Variants in PTPRD observed in about 807,000 individuals in gnomAD.
PTPRD encodes the protein receptor-type tyrosine-protein phosphatase delta.
In PTPRD, 34 loss-of-function variants were observed where a neutral mutation model predicts 214.5. That is an observed-to-expected ratio of 0.16 (90% CI 0.12 to 0.21). PTPRD has a LOEUF of 0.21. Ranked by LOEUF, PTPRD falls within the 10% of genes least tolerant of loss-of-function variation. The pLI is 1.00. For synonymous variants in PTPRD, 1,128 were observed against 845.7 expected, an observed-to-expected ratio of 1.33 and a Z score of -5.79; for missense variants, 2,545 against 2,398.7, an observed-to-expected ratio of 1.06 and a Z score of -1.27.
chr9:8,336,792 G>A lies in PTPRD; in HGVS notation c.5379+2130C>T, dbSNP rs560239586. 2.0e-5 allele frequency among the ~76,000 whole-genome samples: 3 copies of A among 152,132 alleles called. No individual in the cohort carries two copies. In the South Asian group the frequency reaches 6.2e-4, roughly 32 times the overall value. On this transcript the variant is annotated intron_variant, in intron 43 of 45. Coordinates refer to ENST00000381196, the MANE Select transcript of PTPRD (RefSeq NM_002839.4). ...CAACCTCATCAAAAAGTGGGCAAAG[G>A]ATATGAACAGACACTTCTCAGAAGA...
chr9:10,588,234 T>C (rs527964109), intron 2 of PTPRD, among the ~76,000 whole-genome samples: 19 of 152,156 alleles, frequency 1.2e-4, no homozygotes, highest in African/African-American at 4.6e-4. Context: ...AGTTTTATAG[T>C]TGCAGTTTTG....
chr9:9,492,650 T>C (rs72706503), intron 8 of PTPRD, among the ~76,000 whole-genome samples: 11,002 of 151,928 alleles, frequency 0.072, 572 homozygotes, highest in Non-Finnish European at 0.11. Flanking sequence ...AAGGAAAGTA[T>C]TCCAACATAA....
At chr9:9,200,226 A>G (rs930078106) in intron 9 of PTPRD, among the ~76,000 whole-genome samples, 2 of 152,234 alleles carry the variant, frequency 1.3e-5, no homozygotes, top group Non-Finnish European at 2.9e-5. Context: ...AAATCAGAAA[A>G]TTTGAGCAAA....
chr9:8,339,501 T>A (rs950824952), intron 42 of PTPRD, among the ~76,000 whole-genome samples: 2 of 152,158 alleles, frequency 1.3e-5, no homozygotes, highest in Non-Finnish European at 2.9e-5. Context: ...AATTGATTTG[T>A]TCCAATCTTA....
chr9:10,184,411 C>T (rs751331763), intron 3 of PTPRD, among the ~76,000 whole-genome samples: 132 of 151,934 alleles, frequency 8.7e-4, no homozygotes, highest in Middle Eastern at 6.8e-3. Context: ...GAAAACAGAG[C>T]GAGGCTCCAT....
chr9:8,454,240 A>G (rs1227866644), intron 33 of PTPRD, among the ~76,000 whole-genome samples: 4 of 152,200 alleles, frequency 2.6e-5, no homozygotes, highest in African/African-American at 7.2e-5. Flanking sequence ...AAACAAAACA[A>G]AACAGTTTAT....
At chr9:9,727,408 C>T (rs997997638) in intron 7 of PTPRD, among the ~76,000 whole-genome samples, 1 of 152,080 alleles carries the variant, frequency 6.6e-6, no homozygotes, top group Non-Finnish European at 1.5e-5. Context: ...CAAGATCGCA[C>T]CACTGCACTC....
chr9:9,930,112 C>T (rs1159807741), intron 5 of PTPRD, among the ~76,000 whole-genome samples: 26 of 152,148 alleles, frequency 1.7e-4, no homozygotes, highest in Admixed American at 1.7e-3. Context: ...CTGGGAGCTC[C>T]AGGAGTATCT....
chr9:8,826,084 G>A (rs905904857), intron 11 of PTPRD, among the ~76,000 whole-genome samples: 1 of 152,060 alleles, frequency 6.6e-6, no homozygotes, highest in African/African-American at 2.4e-5. Flanking sequence ...CTGGTTCACA[G>A]GCCTCTGACA....
intron 9 of PTPRD, among the ~76,000 whole-genome samples, chr9:9,379,428 C>T (rs10816102): frequency 0.23 from 35,462 of 151,456 alleles, 4,198 homozygotes; most frequent in Middle Eastern, 0.37. Context: ...CATGCAGTCT[C>T]GATTACTGTA....
intron 39 of PTPRD, among the ~76,000 whole-genome samples, chr9:8,357,368 T>C (rs1416066537): frequency 2.1e-4 from 32 of 152,186 alleles, no homozygotes. Flanking sequence ...GCTTGGCAAT[T>C]TTCATTCTAT....
intron 7 of PTPRD, among the ~76,000 whole-genome samples, chr9:9,683,202 A>G (rs997379246): frequency 1.3e-5 from 2 of 151,792 alleles, no homozygotes; most frequent in African/African-American, 2.4e-5. Context: ...GTTATATTCA[A>G]TGAGTTAAGT....
chr9:8,795,947 G>C (rs2096405969), intron 11 of PTPRD, among the ~76,000 whole-genome samples: 1 of 152,158 alleles, frequency 6.6e-6, no homozygotes, highest in Admixed American at 6.6e-5. Flanking sequence ...ACCTTGTATA[G>C]TTACACTATG....
At chr9:8,979,359 G>A (rs1249636014) in intron 11 of PTPRD, among the ~76,000 whole-genome samples, 2 of 151,930 alleles carry the variant, frequency 1.3e-5, no homozygotes, top group African/African-American at 4.8e-5. Context: ...TCACACCAAA[G>A]GCTCAGGCTA....
intron 2 of PTPRD, among the ~76,000 whole-genome samples, chr9:10,371,826 A>G (rs922168836): frequency 6.6e-6 from 1 of 152,148 alleles, no homozygotes; most frequent in African/African-American, 2.4e-5. Context: ...CATATGGTGT[A>G]TGTCTCAGAA....
At chr9:10,483,383 A>C (rs1017320647) in intron 2 of PTPRD, among the ~76,000 whole-genome samples, 2 of 152,158 alleles carry the variant, frequency 1.3e-5, no homozygotes, top group Non-Finnish European at 2.9e-5. Context: ...CAAATAATTT[A>C]TGATGAAGAC....
intron 11 of PTPRD, among the ~76,000 whole-genome samples, chr9:8,764,748 T>C (rs1194013791): frequency 6.6e-6 from 1 of 151,570 alleles, no homozygotes; most frequent in East Asian, 1.9e-4. Flanking sequence ...TGAGCCGAGA[T>C]TGCCCCATTG....
intron 10 of PTPRD, among the ~76,000 whole-genome samples, chr9:9,079,190 T>C (rs914228801): frequency 6.6e-6 from 1 of 152,074 alleles, no homozygotes; most frequent in African/African-American, 2.4e-5. Context: ...TTAACAAATC[T>C]CTCCTTATTC....
intron 11 of PTPRD, among the ~76,000 whole-genome samples, chr9:8,819,810 A>G (rs2097010017): frequency 6.6e-6 from 1 of 152,220 alleles, no homozygotes; most frequent in African/African-American, 2.4e-5. Flanking sequence ...GGAATTAACC[A>G]GATAATTCCT....
Sources: allele counts gnomAD v4.1 joint callset (sites outside exome capture counted in the v4.1 genomes callset), GRCh38; gene constraint gnomAD v4.1.1; transcripts MANE v1.5; gene names NCBI Gene and HGNC (gene_info 2026-07-23, HGNC 2026-07-21).